Variants in MYO16 observed in about 807,000 individuals in gnomAD.
MYO16 encodes the protein unconventional myosin-XVI.
MYO16 carries 94 observed loss-of-function variants against 205.3 expected under a neutral mutation model. The observed-to-expected ratio is 0.46, with a 90% CI of 0.39 to 0.54. The LOEUF is 0.54. MYO16 is among the 20% of genes least tolerant of loss of function. The probability of loss-of-function intolerance (pLI) is 0.00; values close to 1 mark genes in which losing one functional copy is unlikely to be tolerated. For synonymous variants in MYO16, 988 were observed against 954.0 expected (o/e 1.04, Z -0.66); for missense variants, 2,315 against 2,387.5 (o/e 0.97, Z 0.63).
At chr13:109,042,126 AG>A (rs1468794575) in intron 23 of MYO16, among the ~76,000 whole-genome samples, 4 of 152,148 alleles carry the variant, frequency 2.6e-5, no homozygotes, top group African/African-American at 9.7e-5. Context: ...GGCCTCCAAA[AG>A]TGTTGAGATT....
chr13:108,533,826 G>A, the MYO16 span, among the ~76,000 whole-genome samples: 1 of 152,118 alleles, frequency 6.6e-6, no homozygotes, highest in East Asian at 1.9e-4. Flanking sequence ...AAATGCAGAT[G>A]TTCTTTTTTA....
At chr13:109,118,378 A>G (rs1875827035) in intron 28 of MYO16, among the ~76,000 whole-genome samples, 1 of 152,194 alleles carries the variant, frequency 6.6e-6, no homozygotes, top group Non-Finnish European at 1.5e-5. Flanking sequence ...CCACTGTAAG[A>G]GATCATACTC....
At chr13:108,792,532 A>AAT (rs1886648267) in intron 5 of MYO16, among the ~76,000 whole-genome samples, 2 of 119,298 alleles carry the variant, frequency 1.7e-5, no homozygotes, top group Non-Finnish European at 3.5e-5. Context: ...TTTTTTTGAG[A>AAT]TGGAGTTTTG....
At chr13:108,569,284 A>C in the MYO16 span, among the ~76,000 whole-genome samples, 2 of 152,150 alleles carry the variant, frequency 1.3e-5, no homozygotes. Context: ...TGAGGCTTCC[A>C]GTCCATGAAT....
intron 27 of MYO16, among the ~76,000 whole-genome samples, chr13:109,094,985 C>T (rs1287527714): frequency 6.6e-6 from 1 of 152,194 alleles, no homozygotes; most frequent in African/African-American, 2.4e-5. Context: ...TTCCCTGCTA[C>T]ATTCCCAGCA....
intron 5 of MYO16, among the ~76,000 whole-genome samples, chr13:108,791,885 G>T (rs753811362): frequency 2.0e-5 from 3 of 152,194 alleles, no homozygotes; most frequent in Non-Finnish European, 2.9e-5. Flanking sequence ...TCAATCCAGA[G>T]TGTATTCTTG....
Position 108,788,034 on chromosome 13 carries a change from T to C in MYO16, c.616+2291T>C, listed in dbSNP as rs372405374. On this transcript the variant is annotated intron_variant, in intron 5 of 34. Coordinates refer to ENST00000457511, the MANE Select transcript of MYO16 (RefSeq NM_001198950.3). The stretch of plus-strand genomic sequence containing the variant: ...TGATGTCTTTAGAAATTCCTACTAT[T>C]TCAAGATGAGATTTTTATTATTATT... 4.6e-5 allele frequency among the ~76,000 whole-genome samples: 7 copies of C among 152,284 alleles called. No individual in the cohort carries two copies. In the East Asian group the frequency reaches 1.4e-3, roughly 29 times the overall value.
chr13:108,638,982 G>GA lies in MYO16; in HGVS notation c.28+9111dup, dbSNP rs1880382395. 2.0e-5 allele frequency among the ~76,000 whole-genome samples: 3 copies of GA among 152,184 alleles called. No individual in the cohort carries two copies. The South Asian group carries it at 6.2e-4, about 31-fold the overall frequency. On this transcript the variant is annotated intron_variant, in intron 1 of 34. Transcript: ENST00000457511. Reference sequence around the variant, plus strand: ...AGGCCTGCACAAAGCACCATGTTGTGACTGCGTAGTGCGTTCAAAGCAAAG... The same window carrying GA: ...AGGCCTGCACAAAGCACCATGTTGTGAACTGCGTAGTGCGTTCAAAGCAAAG...
chr13:108,749,804 G>T (rs1044853719), intron 4 of MYO16, among the ~76,000 whole-genome samples: 2 of 152,244 alleles, frequency 1.3e-5, no homozygotes, highest in East Asian at 1.9e-4. Context: ...GAAAACTTAT[G>T]GCCATTTAAA....
At chr13:109,136,073 C>T (rs1876760818) in intron 31 of MYO16, among the ~76,000 whole-genome samples, 1 of 151,238 alleles carries the variant, frequency 6.6e-6, no homozygotes, top group Admixed American at 6.6e-5. Flanking sequence ...TTCCTTCCTT[C>T]CTTCTTTCCT....
At chr13:109,029,112 C>CT (rs200871485) in intron 23 of MYO16, among the ~76,000 whole-genome samples, 4,230 of 98,394 alleles carry the variant, frequency 0.043, 223 homozygotes, top group Non-Finnish European at 0.053. Context: ...TTTTTCTTTT[C>CT]TTTTTTTTTT....
chr13:108,893,180 T>C (rs180815304), intron 14 of MYO16, among the ~76,000 whole-genome samples: 1 of 152,314 alleles, frequency 6.6e-6, no homozygotes, highest in Non-Finnish European at 1.5e-5. Context: ...TCATCAGTCA[T>C]TATATCTGTA....
Position 109,007,557 on chromosome 13 carries a change from TGTGTGTG to T in MYO16, c.2443-1339_2443-1333del, listed in dbSNP as rs535440376. Among the ~76,000 whole-genome samples the T allele has an allele frequency of 2.0e-3, 303 of 148,160 alleles. 4 individuals carry two copies. Among genetic ancestry groups the T allele is most frequent in the African/African-American group, 7.3e-3 (298 of 40,838 alleles). On this transcript the variant is annotated intron_variant, in intron 21 of 34. Transcript: ENST00000457511. ...AATCAGCCGTGTGTGTGTGTGTGTG[TGTGTGTG>T]TGTGTGTGTGTGTGTGTGTGTGTTG...
the MYO16 span, among the ~76,000 whole-genome samples, chr13:108,500,862 C>G: frequency 6.6e-6 from 1 of 152,124 alleles, no homozygotes; most frequent in Non-Finnish European, 1.5e-5. Flanking sequence ...CCTGCTCCTC[C>G]CCATGACAGA....
intron 22 of MYO16, among the ~76,000 whole-genome samples, chr13:109,013,850 T>C (rs142265208): frequency 0.012 from 1,844 of 152,340 alleles, 42 homozygotes; most frequent in African/African-American, 0.042. Flanking sequence ...AAGTTCTTTG[T>C]AGATTCCGGA....
chr13:108,903,431 T>C (rs1594383454), intron 15 of MYO16, among the ~76,000 whole-genome samples: 1 of 152,122 alleles, frequency 6.6e-6, no homozygotes, highest in East Asian at 1.9e-4. Context: ...CCACTGAAGG[T>C]AAAGGGTGAC....
At chr13:108,795,877 G>A (rs2138952798) in intron 6 of MYO16, among the ~76,000 whole-genome samples, 1 of 150,676 alleles carries the variant, frequency 6.6e-6, no homozygotes, top group South Asian at 2.1e-4. Flanking sequence ...TGCCATTTTG[G>A]ATAGATAGAG....
At chr13:108,961,236 C>G (rs1883567478) in intron 17 of MYO16, among the ~76,000 whole-genome samples, 1 of 152,152 alleles carries the variant, frequency 6.6e-6, no homozygotes, top group Non-Finnish European at 1.5e-5. Flanking sequence ...CACAATTATT[C>G]ATTTTTGTTA....
intron 6 of MYO16, among the ~76,000 whole-genome samples, chr13:108,803,563 C>G (rs949340453): frequency 2.0e-5 from 3 of 152,134 alleles, no homozygotes; most frequent in Non-Finnish European, 4.4e-5. Flanking sequence ...AGAAGATGTT[C>G]TAATGACCAA....
Sources: gnomAD v4.1 joint callset for allele counts (sites outside exome capture counted in the v4.1 genomes callset) on GRCh38, gnomAD v4.1.1 for gene constraint, MANE v1.5 for transcripts, NCBI Gene and HGNC (gene_info 2026-07-23, HGNC 2026-07-21) for gene names.